The following RORA variants were observed in gnomAD, a reference collection of about 807,000 sequenced individuals.
The protein encoded by RORA is nuclear receptor ROR-alpha.
RORA carries 7 observed loss-of-function variants against 69.5 expected under a neutral mutation model. The ratio of observed to expected loss-of-function variants is 0.10; its 90% CI spans 0.06 to 0.19. The LOEUF (loss-of-function observed/expected upper bound fraction) is 0.19, where lower values mean the gene tolerates loss of function less well. RORA is among the 10% of genes least tolerant of loss of function. The probability of loss-of-function intolerance (pLI) is 1.00; values close to 1 mark genes in which losing one functional copy is unlikely to be tolerated. For missense variants in RORA, 457 were observed against 663.0 expected, an observed-to-expected ratio of 0.69 and a Z score of 3.41; for synonymous variants, 261 against 240.8, an observed-to-expected ratio of 1.08 and a Z score of -0.78.
Position 60,611,559 on chromosome 15 carries a change from C to CAAAAAAAAAAAAAAAAA in RORA, c.196+67081_196+67097dup. Among the ~76,000 whole-genome samples the CAAAAAAAAAAAAAAAAA allele has an allele frequency of 3.4e-3, 120 of 35,816 alleles. 45 individuals are homozygous for CAAAAAAAAAAAAAAAAA. Among genetic ancestry groups the CAAAAAAAAAAAAAAAAA allele is most frequent in the African/African-American group, 4.8e-3 (42 of 8,780 alleles). The allele number at this position is 35,816 out of a possible 152,430, so 23.5% of individuals were successfully genotyped here. On this transcript the variant is annotated intron_variant, in intron 2 of 10. Coordinates refer to ENST00000335670, the MANE Select transcript of RORA (RefSeq NM_134261.3). ...TTACCTCAAACAATCTTGAGTTTTG[C>CAAAAAAAAAAAAAAAAA]AAAAAAAAAAAAAAAAAAAAAAAAA...
intron 2 of RORA, among the ~76,000 whole-genome samples, chr15:60,577,884 A>G (rs572386365): frequency 1.3e-5 from 2 of 152,330 alleles, no homozygotes; most frequent in African/African-American, 4.8e-5. Context: ...ATATCTGGCT[A>G]TTAAAAGAAG....
At chr15:61,142,030 G>A (rs182705140) in intron 1 of RORA, among the ~76,000 whole-genome samples, 29 of 151,800 alleles carry the variant, frequency 1.9e-4, no homozygotes, top group Admixed American at 7.3e-4. Context: ...TACAAAGAAG[G>A]GAACAGAAGG....
chr15:61,225,311 C>A (rs557984150), intron 1 of RORA, among the ~76,000 whole-genome samples: 4 of 152,004 alleles, frequency 2.6e-5, no homozygotes, highest in African/African-American at 9.7e-5. Context: ...TGTGGCGAGC[C>A]GGGTCCATGT....
At chr15:60,603,123 G>C (rs2068858001) in intron 2 of RORA, among the ~76,000 whole-genome samples, 1 of 152,134 alleles carries the variant, frequency 6.6e-6, no homozygotes, top group South Asian at 2.1e-4. Context: ...TTTTATTGTT[G>C]AGTAATATTC....
At chr15:60,516,205 ATATT>A (rs1438277320) in intron 3 of RORA, among the ~76,000 whole-genome samples, 1 of 30,558 alleles carries the variant, frequency 3.3e-5, no homozygotes, top group Non-Finnish European at 4.9e-5. Flanking sequence ...ATTTATATAT[ATATT>A]TATATATATA....
In RORA at chr15:60,981,580, T is replaced by C. The variant is rs148657349; in HGVS notation, c.166+247473A>G. On this transcript the variant is annotated intron_variant, in intron 1 of 10. Coordinates refer to ENST00000335670, the MANE Select transcript of RORA (RefSeq NM_134261.3). ...CTTTCTTTGGTCTGTTCAAATCTTC[T>C]GTTAAGCCCCTCTAGTAATTTTTTC... is the stretch of plus-strand genomic sequence containing the variant. Among the ~76,000 whole-genome samples, 248 of 152,268 alleles carry C rather than the reference T, an allele frequency of 1.6e-3. 1 individual carries two copies. In the East Asian group the frequency reaches 0.038, roughly 23 times the overall value.
chr15:60,558,522 C>T (rs1046027561), intron 2 of RORA: 13 of 439,496 alleles, frequency 3.0e-5, no homozygotes, highest in Non-Finnish European at 4.8e-5. Flanking sequence ...TGGTTAAATG[C>T]GTATGTTTGA....
At chr15:60,695,321 C>A (rs1038331305) in intron 1 of RORA, among the ~76,000 whole-genome samples, 3 of 152,202 alleles carry the variant, frequency 2.0e-5, no homozygotes, top group Non-Finnish European at 4.4e-5. Flanking sequence ...CTTAGCCCAA[C>A]CCTTAGCATG....
chr15:61,103,336 T>C (rs2078907341), intron 1 of RORA, among the ~76,000 whole-genome samples: 1 of 152,252 alleles, frequency 6.6e-6, no homozygotes, highest in Admixed American at 6.5e-5. Context: ...AAGAGTTAAC[T>C]GGATAAATTT....
intron 1 of RORA, among the ~76,000 whole-genome samples, chr15:60,966,931 C>G (rs1432355991): frequency 6.6e-6 from 1 of 152,194 alleles, no homozygotes; most frequent in Admixed American, 6.5e-5. Flanking sequence ...TTCTGCAGGG[C>G]CATGAATCGG....
intron 1 of RORA, among the ~76,000 whole-genome samples, chr15:60,695,145 C>T (rs1596133458): frequency 2.5e-5 from 1 of 39,856 alleles, no homozygotes; most frequent in Middle Eastern, 0.014. Flanking sequence ...TAGTACCAGC[C>T]AAAGCCTCTG....
At chr15:60,663,186 TA>T (rs1483918046) in intron 2 of RORA, among the ~76,000 whole-genome samples, 4 of 152,232 alleles carry the variant, frequency 2.6e-5, no homozygotes, top group African/African-American at 7.2e-5. Context: ...CACACTCCCA[TA>T]AACTTTCTGT....
chr15:60,629,390 T>C (rs1416947014), intron 2 of RORA, among the ~76,000 whole-genome samples: 9 of 151,778 alleles, frequency 5.9e-5, no homozygotes, highest in Non-Finnish European at 1.3e-4. Flanking sequence ...TTTTGCCATG[T>C]TGGCCAGGAT....
At chr15:61,155,608 C>T (rs76347986) in intron 1 of RORA, among the ~76,000 whole-genome samples, 3,712 of 152,272 alleles carry the variant, frequency 0.024, 81 homozygotes, top group African/African-American at 0.059. Context: ...CTTGGGCTAT[C>T]AGGCAACAGA....
chr15:60,867,199 T>C (rs557047201), intron 1 of RORA, among the ~76,000 whole-genome samples: 1 of 152,276 alleles, frequency 6.6e-6, no homozygotes, highest in Non-Finnish European at 1.5e-5. Flanking sequence ...AGTAATTTAG[T>C]AAGAAAACTG....
At chr15:60,554,358 T>C (rs2067302101) in intron 2 of RORA, among the ~76,000 whole-genome samples, 2 of 152,152 alleles carry the variant, frequency 1.3e-5, no homozygotes, top group Admixed American at 6.5e-5. Context: ...TTCCTATCAA[T>C]GAGGAATATA....
intron 1 of RORA, among the ~76,000 whole-genome samples, chr15:60,730,647 C>G (rs561761776): frequency 2.8e-4 from 43 of 152,282 alleles, no homozygotes; most frequent in African/African-American, 1.0e-3. Context: ...TATGTGTGTG[C>G]TCACTTGTAT....
intron 1 of RORA, among the ~76,000 whole-genome samples, chr15:60,717,812 T>TTTTTTTTTTTC: frequency 6.8e-6 from 1 of 147,076 alleles, no homozygotes; most frequent in Non-Finnish European, 1.5e-5. Context: ...TTTTTTTTTT[T>TTTTTTTTTTTC]TTTTTGAGAC....
At chr15:60,858,219 C>T (rs1314767679) in intron 1 of RORA, among the ~76,000 whole-genome samples, 1 of 152,156 alleles carries the variant, frequency 6.6e-6, no homozygotes, top group Non-Finnish European at 1.5e-5. Context: ...AGTTCTTGTA[C>T]TTATGAAATG....
Sources: gnomAD v4.1 joint callset for allele counts (sites outside exome capture counted in the v4.1 genomes callset) on GRCh38, gnomAD v4.1.1 for gene constraint, MANE v1.5 for transcripts, NCBI Gene and HGNC (gene_info 2026-07-23, HGNC 2026-07-21) for gene names.